Variants in OR2L13 observed in about 807,000 individuals in gnomAD.
The protein encoded by OR2L13 is olfactory receptor family 2 subfamily L member 13.
OR2L13 carries 14 observed loss-of-function variants against 15.3 expected under a neutral mutation model. That is an observed-to-expected ratio of 0.91 (90% CI 0.60 to 1.43). OR2L13 has a LOEUF of 1.43. Ranked by LOEUF, OR2L13 falls within the 40% of genes most tolerant of loss-of-function variation. The pLI is 0.00. For synonymous variants in OR2L13, 152 were observed against 142.9 expected, an observed-to-expected ratio of 1.06 and a Z score of -0.45; for missense variants, 367 against 387.9, an observed-to-expected ratio of 0.95 and a Z score of 0.45.
At chr1:248,087,773 G>A in the OR2L13 span, among the ~76,000 whole-genome samples, 4 of 152,164 alleles carry the variant, frequency 2.6e-5, no homozygotes, top group Admixed American at 2.0e-4. Context: ...TAGCACCCAA[G>A]TTTTGCTAAA....
the OR2L13 span, among the ~76,000 whole-genome samples, chr1:247,983,826 T>C: frequency 1.3e-5 from 2 of 152,226 alleles, no homozygotes; most frequent in Non-Finnish European, 2.9e-5. Context: ...TGACTTTTTC[T>C]TCCAAGCTTA....
chr1:248,098,586 T>TAACA (rs1664783442), intron 1 of OR2L13, 65 bp from the exon 2 acceptor site: 1 of 152,182 alleles, frequency 6.6e-6, no homozygotes, highest in African/African-American at 2.4e-5. Context: ...TTATATGAAC[T>TAACA]AACAGTTGAG....
chr1:247,986,252 A>G, the OR2L13 span, among the ~76,000 whole-genome samples: 1 of 152,164 alleles, frequency 6.6e-6, no homozygotes, highest in African/African-American at 2.4e-5. Flanking sequence ...TAAGTCTGAC[A>G]TTTAAGTCTT....
At chr1:248,039,037 C>T in the OR2L13 span, 1 of 1,614,072 alleles carries the variant, frequency 6.2e-7, no homozygotes, top group African/African-American at 1.3e-5. Flanking sequence ...TTTGCTTATA[C>T]CTATGTACGT....
At chr1:248,099,837 C>T (rs984361820) in exon 3 of OR2L13, 17 of 1,614,064 alleles carry the variant, frequency 1.1e-5, no homozygotes, top group Non-Finnish European at 1.4e-5. Flanking sequence ...GGTCCATCAA[C>T]TCCTTGGCAC....
At chr1:248,022,434 T>C in the OR2L13 span, 41 of 1,614,080 alleles carry the variant, frequency 2.5e-5, no homozygotes, top group Non-Finnish European at 3.1e-5. Flanking sequence ...AGTATATGCA[T>C]TCCGTATCCC....
upstream of OR2L13, among the ~76,000 whole-genome samples, chr1:248,094,844 T>A (rs1664680650): frequency 6.6e-6 from 1 of 152,228 alleles, no homozygotes; most frequent in South Asian, 2.1e-4. Context: ...AAGTGGTTCC[T>A]GCACTTTTTT....
the OR2L13 span, chr1:248,022,292 A>G: frequency 6.2e-7 from 1 of 1,614,212 alleles, no homozygotes; most frequent in Non-Finnish European, 8.5e-7. Context: ...TGCTCCTGAC[A>G]TCAATGGCCT....
At chr1:248,070,069 G>T in the OR2L13 span, among the ~76,000 whole-genome samples, 2 of 152,014 alleles carry the variant, frequency 1.3e-5, no homozygotes, top group Non-Finnish European at 2.9e-5. Flanking sequence ...AGATCAATGA[G>T]ACAGAAAGTT....
chr1:247,950,255 G>C, the OR2L13 span, among the ~76,000 whole-genome samples: 1 of 151,716 alleles, frequency 6.6e-6, no homozygotes, highest in Non-Finnish European at 1.5e-5. Context: ...TAACGTACCA[G>C]TTACTCTTTC....
At chr1:248,067,820 A>C in the OR2L13 span, among the ~76,000 whole-genome samples, 2 of 152,226 alleles carry the variant, frequency 1.3e-5, no homozygotes. Context: ...ACGGGCTTAA[A>C]AAACGGCGCG....
chr1:248,034,799 A>G, the OR2L13 span, among the ~76,000 whole-genome samples: 1 of 152,208 alleles, frequency 6.6e-6, no homozygotes, highest in Non-Finnish European at 1.5e-5. Flanking sequence ...AGCCACTTGA[A>G]GCCTAGGTTC....
chr1:247,979,212 T>C, the OR2L13 span, among the ~76,000 whole-genome samples: 20 of 152,284 alleles, frequency 1.3e-4, 1 homozygote, highest in Admixed American at 3.3e-4. Context: ...GTGCATAACG[T>C]GCAGGTTTGT....
At chr1:248,012,121 A>G in the OR2L13 span, among the ~76,000 whole-genome samples, 3 of 152,118 alleles carry the variant, frequency 2.0e-5, no homozygotes, top group Admixed American at 1.3e-4. Flanking sequence ...GAACTACTTT[A>G]TGCTTGCTTT....
At chr1:247,976,014 A>T in the OR2L13 span, among the ~76,000 whole-genome samples, 9 of 152,196 alleles carry the variant, frequency 5.9e-5, no homozygotes, top group African/African-American at 2.2e-4. Context: ...ATTATTTAAG[A>T]TTACTGAATC....
the OR2L13 span, among the ~76,000 whole-genome samples, chr1:248,001,827 CATTT>C: frequency 6.6e-6 from 1 of 152,082 alleles, no homozygotes; most frequent in South Asian, 2.1e-4. Flanking sequence ...TCTGATGTGT[CATTT>C]ATTATGCTGT....
the OR2L13 span, among the ~76,000 whole-genome samples, chr1:248,074,079 A>G: frequency 6.6e-6 from 1 of 152,164 alleles, no homozygotes; most frequent in African/African-American, 2.4e-5. Flanking sequence ...TATTTACAGT[A>G]CACATGTTTG....
At chr1:248,020,150 C>T in the OR2L13 span, among the ~76,000 whole-genome samples, 1 of 152,078 alleles carries the variant, frequency 6.6e-6, no homozygotes, top group African/African-American at 2.4e-5. Flanking sequence ...ATTACCATAG[C>T]TTTTGGAACT....
the OR2L13 span, among the ~76,000 whole-genome samples, chr1:248,073,447 AG>A: frequency 1.3e-5 from 2 of 150,428 alleles, no homozygotes; most frequent in Non-Finnish European, 3.0e-5. Context: ...GGACATAGGA[AG>A]GGGAACATCA....
Sources: gnomAD v4.1 joint callset for allele counts (sites outside exome capture counted in the v4.1 genomes callset) on GRCh38, gnomAD v4.1.1 for gene constraint, MANE v1.5 for transcripts, NCBI Gene and HGNC (gene_info 2026-07-23, HGNC 2026-07-21) for gene names.